The following PDE11A variants were observed in gnomAD, a reference collection of about 807,000 sequenced individuals.
PDE11A encodes the protein phosphodiesterase 11A, also known as dual 3',5'-cyclic-AMP and -GMP phosphodiesterase 11A.
In PDE11A, 100 loss-of-function variants were observed where a neutral mutation model predicts 100.5. The observed-to-expected ratio is 1.00, with a 90% CI of 0.85 to 1.18. The LOEUF is 1.18. PDE11A is among the 50% of genes most tolerant of loss of function. The pLI is 0.00. For synonymous variants in PDE11A, 381 were observed against 420.8 expected (o/e 0.91, Z 1.16); for missense variants, 1,141 against 1,152.6 (o/e 0.99, Z 0.15).
chr2:177,799,099 T>C (rs963637038), intron 9 of PDE11A, among the ~76,000 whole-genome samples: 2 of 152,140 alleles, frequency 1.3e-5, no homozygotes, highest in African/African-American at 4.8e-5. Flanking sequence ...GAGGAAAACA[T>C]TGAACAAATT....
At chr2:177,987,380 A>G (rs2085953022) in intron 2 of PDE11A, among the ~76,000 whole-genome samples, 2 of 152,364 alleles carry the variant, frequency 1.3e-5, no homozygotes, top group South Asian at 4.1e-4. Context: ...TAGAACAACT[A>G]TTAATTGATA....
At chr2:177,832,209 A>G (rs2083322054) in intron 6 of PDE11A, among the ~76,000 whole-genome samples, 1 of 152,224 alleles carries the variant, frequency 6.6e-6, no homozygotes, top group East Asian at 1.9e-4. Flanking sequence ...GGATTCCAGG[A>G]TGCAAAGTAT....
chr2:177,701,326 T>G (rs577796923), intron 13 of PDE11A, 115 bp from the exon 14 acceptor site: 1 of 716,272 alleles, frequency 1.4e-6, no homozygotes, highest in East Asian at 2.6e-5. Context: ...AGACACATCC[T>G]TAGGTAACTG....
At chr2:177,649,003 TAAATC>T (rs1227603714) in intron 19 of PDE11A, among the ~76,000 whole-genome samples, 2 of 152,110 alleles carry the variant, frequency 1.3e-5, no homozygotes, top group Admixed American at 1.3e-4. Flanking sequence ...TCTAAGTAAA[TAAATC>T]TATACTAAAA....
At chr2:178,044,396 TGTTTATATATATATAA>T (rs2086720928) in intron 1 of PDE11A, among the ~76,000 whole-genome samples, 2 of 148,286 alleles carry the variant, frequency 1.3e-5, no homozygotes, top group African/African-American at 2.4e-5. Flanking sequence ...AAACTTTATA[TGTTTATATATATATAA>T]ACTTTATATA....
Position 177,680,921 on chromosome 2 carries a change from GAAGA to G in PDE11A, c.2346-22_2346-19del, listed in dbSNP as rs745837132. On this transcript the variant is annotated intron_variant, in intron 15 of 19. Transcript: ENST00000286063. ...TTCTCCTCCTGCAGGAAAATCAAAT[GAAGA>G]AAGAAAGAAAAAAAAAACTGGAATG... 3 of 1,431,944 alleles carry G rather than the reference GAAGA, an allele frequency of 2.1e-6. No homozygotes were observed. The highest frequency in any genetic ancestry group is 1.4e-5 in the African/African-American group (1 of 70,592). 88.7% of individuals were successfully genotyped at this position (1,431,944 alleles called of 1,614,324 possible). A position where few individuals can be genotyped will look rare whatever the true frequency, so the allele number is the denominator to read the frequency against.
At chr2:177,803,414 A>G (rs2082821730) in intron 9 of PDE11A, among the ~76,000 whole-genome samples, 1 of 151,850 alleles carries the variant, frequency 6.6e-6, no homozygotes, top group African/African-American at 2.4e-5. Flanking sequence ...GAAACTATTC[A>G]AAAAAATCAA....
chr2:177,860,690 A>G (rs2083930544), intron 5 of PDE11A, among the ~76,000 whole-genome samples: 1 of 151,788 alleles, frequency 6.6e-6, no homozygotes, highest in South Asian at 2.1e-4. Context: ...AAAAATTCTC[A>G]AAAATACTAG....
Position 178,010,997 on chromosome 2 carries a change from G to T in PDE11A, c.1071+3305C>A, listed in dbSNP as rs545018142. 9.9e-5 allele frequency among the ~76,000 whole-genome samples: 15 copies of T among 152,166 alleles called. No homozygotes were observed. The South Asian group carries it at 3.1e-3, about 32-fold the overall frequency. On this transcript the variant is annotated intron_variant, in intron 2 of 19. Transcript: ENST00000286063. ...TATCTTTAAATGAGGACAAACACAG[G>T]CTATTTATTCATCCCATGCTATAAC... is the stretch of plus-strand genomic sequence containing the variant.
intron 2 of PDE11A, among the ~76,000 whole-genome samples, chr2:177,947,953 A>G (rs2085463945): frequency 6.6e-6 from 1 of 152,054 alleles, no homozygotes; most frequent in African/African-American, 2.4e-5. Flanking sequence ...GCCTTTCTCA[A>G]TATTTTCTTT....
At chr2:177,903,812 C>G (rs111743487) in intron 3 of PDE11A, among the ~76,000 whole-genome samples, 1 of 152,110 alleles carries the variant, frequency 6.6e-6, no homozygotes, top group African/African-American at 2.4e-5. Context: ...GGGAGGAATA[C>G]GGCTAAAGGT....
chr2:177,878,292 C>T (rs2084273538), intron 4 of PDE11A, among the ~76,000 whole-genome samples: 1 of 152,174 alleles, frequency 6.6e-6, no homozygotes, highest in Non-Finnish European at 1.5e-5. Flanking sequence ...TTCCATGTAA[C>T]CCTGCCACTT....
At chr2:177,738,947 A>C (rs568951016) in intron 10 of PDE11A, among the ~76,000 whole-genome samples, 5 of 152,370 alleles carry the variant, frequency 3.3e-5, no homozygotes, top group African/African-American at 1.2e-4. Context: ...TTTAGTGTCA[A>C]ACAGCTAAGC....
chr2:177,759,882 T>A (rs976284776), intron 10 of PDE11A, among the ~76,000 whole-genome samples: 1 of 152,134 alleles, frequency 6.6e-6, no homozygotes, highest in Non-Finnish European at 1.5e-5. Context: ...AGTCAATATG[T>A]TGAGTTCAGC....
chr2:178,006,801 T>C (rs529447454), intron 2 of PDE11A, among the ~76,000 whole-genome samples: 1 of 110,932 alleles, frequency 9.0e-6, no homozygotes, highest in African/African-American at 3.3e-5. Flanking sequence ...TACTTTCACT[T>C]AATTCCATTT....
intron 9 of PDE11A, among the ~76,000 whole-genome samples, chr2:177,793,399 TTA>T (rs2082659014): frequency 6.6e-6 from 1 of 152,046 alleles, no homozygotes; most frequent in Non-Finnish European, 1.5e-5. Context: ...TGGATTCATA[TTA>T]CATGTAGAAC....
chr2:177,804,896 A>G (rs2105559121), intron 9 of PDE11A, among the ~76,000 whole-genome samples: 1 of 152,056 alleles, frequency 6.6e-6, no homozygotes, highest in African/African-American at 2.4e-5. Flanking sequence ...ACATGGACAT[A>G]CAGAGTAGAT....
At chr2:177,942,769 T>G (rs192260582) in intron 2 of PDE11A, among the ~76,000 whole-genome samples, 23 of 152,352 alleles carry the variant, frequency 1.5e-4, no homozygotes, top group African/African-American at 5.5e-4. Flanking sequence ...TTTTTAAGTC[T>G]CTAGTTCAGT....
upstream of PDE11A, chr2:178,073,104 G>A: frequency 1.0e-6 from 1 of 982,232 alleles, no homozygotes; most frequent in Non-Finnish European, 1.2e-6. Context: ...GGAGCCCAGT[G>A]GGAGTCCGAG....
Sources: allele counts gnomAD v4.1 joint callset (sites outside exome capture counted in the v4.1 genomes callset), GRCh38; gene constraint gnomAD v4.1.1; transcripts MANE v1.5; gene names NCBI Gene and HGNC (gene_info 2026-07-23, HGNC 2026-07-21).